ABHD5: variants seen among roughly 807,000 people sequenced by gnomAD.
ABHD5 encodes abhydrolase domain containing 5, lysophosphatidic acid acyltransferase, also known as 1-acylglycerol-3-phosphate O-acyltransferase ABHD5.
ABHD5 carries 30 observed loss-of-function variants against 44.9 expected under a neutral mutation model. The ratio of observed to expected loss-of-function variants is 0.67; its 90% confidence interval spans 0.50 to 0.91. The LOEUF is 0.91. Among genes scored for constraint, ABHD5 ranks in the 40% least tolerant of loss-of-function variants. ABHD5 has a pLI of 0.00. For synonymous variants in ABHD5, 167 were observed against 147.0 expected (o/e 1.14, Z -0.99); for missense variants, 399 against 423.4 (o/e 0.94, Z 0.50).
At chr3:43,701,618 C>G (rs1310187683) in intron 2 of ABHD5, among the ~76,000 whole-genome samples, 1 of 152,110 alleles carries the variant, frequency 6.6e-6, no homozygotes, top group African/African-American at 2.4e-5. Context: ...GAGTTGGACC[C>G]AAGTTACCTG....
intron 1 of ABHD5, among the ~76,000 whole-genome samples, chr3:43,698,418 G>A (rs2084499483): frequency 6.6e-6 from 1 of 152,066 alleles, no homozygotes; most frequent in East Asian, 1.9e-4. Context: ...TACCAGCCAT[G>A]CACCGAGCCC....
At chr3:43,710,157 A>G (rs977478452) in intron 3 of ABHD5, among the ~76,000 whole-genome samples, 1 of 152,246 alleles carries the variant, frequency 6.6e-6, no homozygotes, top group Non-Finnish European at 1.5e-5. Context: ...ATACACTATT[A>G]GAAAATGTTC....
At chr3:43,715,317 C>T (rs534943070) in intron 5 of ABHD5, among the ~76,000 whole-genome samples, 2 of 152,034 alleles carry the variant, frequency 1.3e-5, no homozygotes, top group Non-Finnish European at 2.9e-5. Context: ...TGTGCCACCA[C>T]GCCCGGCTAA....
At chr3:43,690,915 G>C (rs2149587193), upstream of ABHD5, 1 of 1,472,868 alleles carries the variant, frequency 6.8e-7, no homozygotes, top group African/African-American at 1.4e-5. Flanking sequence ...CGCCTTAAGT[G>C]CCGCGCCAGC....
chr3:43,700,389 A>G (rs1559411299), intron 2 of ABHD5, among the ~76,000 whole-genome samples: 1 of 152,104 alleles, frequency 6.6e-6, no homozygotes, highest in Non-Finnish European at 1.5e-5. Flanking sequence ...TTCTACTTAA[A>G]GGAGTGGATT....
At chr3:43,712,909 G>T (rs1397336538) in intron 4 of ABHD5, among the ~76,000 whole-genome samples, 1 of 152,030 alleles carries the variant, frequency 6.6e-6, no homozygotes, top group African/African-American at 2.4e-5. Flanking sequence ...TTATGACTCG[G>T]CCCACTCCTA....
chr3:43,716,636 T>C (rs2084766431), intron 5 of ABHD5, among the ~76,000 whole-genome samples: 1 of 152,078 alleles, frequency 6.6e-6, no homozygotes, highest in African/African-American at 2.4e-5. Flanking sequence ...CTTCAAGAGA[T>C]TGAGGTTTTG....
chr3:43,699,287 T>C lies in ABHD5; in HGVS notation c.59T>C (p.Leu20Pro), dbSNP rs775225659. 1.9e-6 allele frequency: 3 copies of C among 1,614,040 alleles called. No homozygotes were observed. The South Asian group carries it at 3.3e-5, about 18-fold the overall frequency. ...SADTGERSGW[L>P]TGWLPTWCPT... ...TTTTGGTGCTCTAGGTCAGGATGGC[T>C]AACTGGTTGGCTCCCCACATGGTGC... Residue 20 changes from leucine to proline, a missense_variant, in exon 2 of 7, where the codon CTA (leucine) becomes CCA (proline). Transcript: ENST00000644371.
rs1275066209 is a variant in ABHD5 at position 43,709,682 on chromosome 3, T to C, written c.507-2027T>C. ...TGCTTTCAACTAGGTGGCTGTCTCA[T>C]TAGTTCTACTCATACCCCTGTTAGG... is the stretch of plus-strand genomic sequence containing the variant. On this transcript the variant is annotated intron_variant, in intron 3 of 6. Transcript: ENST00000644371. Among the ~76,000 whole-genome samples, 4 of 152,198 alleles carry C rather than the reference T, an allele frequency of 2.6e-5. No individual in the cohort carries two copies. The East Asian group carries it at 7.7e-4, about 29-fold the overall frequency.
At chr3:43,725,282 C>A (rs143433600), downstream of ABHD5, among the ~76,000 whole-genome samples, 97 of 152,326 alleles carry the variant, frequency 6.4e-4, 2 homozygotes, top group African/African-American at 2.3e-3. Context: ...CTGCCTCTCT[C>A]TTGCCATCTC....
chr3:43,691,029 A>ACCGGAGAGAGGTAAGCGCAG lies in ABHD5; in HGVS notation c.42_47+14dup. On this transcript the variant is annotated stop_gained and frameshift_variant, in exon 1 of 7. Coordinates refer to ENST00000644371, the MANE Select transcript of ABHD5 (RefSeq NM_016006.6). LOFTEE classifies it high-confidence loss of function. Reference sequence around the variant, plus strand: ...GGAGGAGGAGGTGGACTCTGCCGACACCGGAGAGAGGTAAGCGCAGCCGGC... The same window carrying ACCGGAGAGAGGTAAGCGCAG: ...GGAGGAGGAGGTGGACTCTGCCGACACCGGAGAGAGGTAAGCGCAGCCGGAGAGAGGTAAGCGCAGCCGGC... 6.4e-7 allele frequency: 1 copy of ACCGGAGAGAGGTAAGCGCAG among 1,561,160 alleles called. No homozygotes were observed. The highest frequency in any genetic ancestry group is 2.6e-5 in the East Asian group (1 of 38,634).
downstream of ABHD5, among the ~76,000 whole-genome samples, chr3:43,726,795 C>G (rs753015390): frequency 6.6e-6 from 1 of 152,158 alleles, no homozygotes; most frequent in Non-Finnish European, 1.5e-5. Context: ...GGCATTACCC[C>G]CAAGAGATTC....
At chr3:43,730,655 G>A (rs750216823) in intron 7 of ABHD5, among the ~76,000 whole-genome samples, 3 of 151,946 alleles carry the variant, frequency 2.0e-5, no homozygotes, top group Non-Finnish European at 4.4e-5. Context: ...ATAGGCACAT[G>A]TCACCACATC....
intron 3 of ABHD5, among the ~76,000 whole-genome samples, chr3:43,709,314 G>T (rs2149600915): frequency 6.6e-6 from 1 of 152,064 alleles, no homozygotes; most frequent in East Asian, 1.9e-4. Flanking sequence ...GAAACAAAAA[G>T]ATCATCTGCC....
At chr3:43,702,108 C>G (rs958395398) in intron 2 of ABHD5, 107 bp from the exon 3 acceptor site, 14 of 944,800 alleles carry the variant, frequency 1.5e-5, no homozygotes, top group Admixed American at 2.8e-5. Context: ...AAGCTAAAAT[C>G]ATGAGATTGG....
At chr3:43,697,497 C>A (rs961408269) in intron 1 of ABHD5, among the ~76,000 whole-genome samples, 1 of 152,034 alleles carries the variant, frequency 6.6e-6, no homozygotes, top group African/African-American at 2.4e-5. Context: ...AATGGCTGGT[C>A]AAGGACAAAA....
chr3:43,724,424 G>A (rs1478024991), downstream of ABHD5, among the ~76,000 whole-genome samples: 1 of 152,088 alleles, frequency 6.6e-6, no homozygotes, highest in Non-Finnish European at 1.5e-5. Context: ...TGGCAAAATT[G>A]TTAAGTGCTT....
At chr3:43,714,740 C>T (rs2084738581) in intron 4 of ABHD5, among the ~76,000 whole-genome samples, 1 of 152,078 alleles carries the variant, frequency 6.6e-6, no homozygotes, top group South Asian at 2.1e-4. Flanking sequence ...CTCTTTACTT[C>T]TTATATTAAT....
intron 4 of ABHD5, among the ~76,000 whole-genome samples, chr3:43,712,959 A>C (rs1478448433): frequency 6.6e-6 from 1 of 151,996 alleles, no homozygotes; most frequent in Non-Finnish European, 1.5e-5. Context: ...GTGATGCACC[A>C]ATCATGATTT....
Sources: allele counts gnomAD v4.1 joint callset (sites outside exome capture counted in the v4.1 genomes callset), GRCh38; gene constraint gnomAD v4.1.1; transcripts MANE v1.5; gene names NCBI Gene and HGNC (gene_info 2026-07-23, HGNC 2026-07-21).